MACF1: variants seen among roughly 807,000 people sequenced by gnomAD.
The protein encoded by MACF1 is microtubule-actin cross-linking factor 1.
Under a neutral mutation model 854.8 loss-of-function variants are expected in MACF1, and 193 were observed. The observed-to-expected ratio is 0.23, with a 90% CI of 0.20 to 0.25. The LOEUF (loss-of-function observed/expected upper bound fraction) is 0.25. Ranked by LOEUF, MACF1 falls within the 10% of genes least tolerant of loss-of-function variation. The pLI, the probability that MACF1 is intolerant of heterozygous loss-of-function variation, is 1.00. For missense variants in MACF1, 7,722 were observed against 8,929.1 expected (o/e 0.86, Z 5.45); for synonymous variants, 3,185 against 3,226.7 (o/e 0.99, Z 0.44).
intron 49 of MACF1, among the ~76,000 whole-genome samples, chr1:39,363,604 CTTTT>C (rs1553308665): frequency 7.3e-6 from 1 of 136,094 alleles, no homozygotes. Flanking sequence ...TTCTTTCTTT[CTTTT>C]TTTTTTTTTT....
Position 39,322,616 on chromosome 1 carries a change from A to G in MACF1, c.4038A>G (p.Glu1346=), listed in dbSNP as rs1646535053. 3.7e-6 allele frequency: 6 copies of G among 1,613,632 alleles called. No homozygotes were observed. The highest frequency in any genetic ancestry group is 5.1e-6 in the Non-Finnish European group (6 of 1,179,670). ...QQYSTIVKDY[E]LQLMTYKAFV... ...AATTCATCCTTTCCTAGGACTATGAATTGCAACTGATGACATACAAGGCCT... is the reference window on the plus strand; with the variant it reads ...AATTCATCCTTTCCTAGGACTATGAGTTGCAACTGATGACATACAAGGCCT... The change falls in exon 32 of 101, where the codon GAA becomes GAG. Residue 1346 remains glutamate (E), a synonymous_variant. Transcript: ENST00000564288.
chr1:39,436,048 A>C (rs909180373), intron 70 of MACF1: 12 of 421,822 alleles, frequency 2.8e-5, no homozygotes, highest in African/African-American at 2.2e-4. Flanking sequence ...ATTTTGGATA[A>C]ATTTACCTTG....
chr1:39,482,668 G>T (rs867608044), intron 99 of MACF1, among the ~76,000 whole-genome samples: 34 of 151,810 alleles, frequency 2.2e-4, no homozygotes, highest in African/African-American at 8.2e-4. Context: ...GGTGGCAGGC[G>T]CCTGTTGTCC....
At chr1:39,223,046 G>T (rs1183724597) in intron 1 of MACF1, among the ~76,000 whole-genome samples, 1 of 150,678 alleles carries the variant, frequency 6.6e-6, no homozygotes, top group East Asian at 1.9e-4. Flanking sequence ...CATGCAATAA[G>T]CACACAAACT....
chr1:39,206,461 ATAAC>A (rs1444285137), intron 1 of MACF1: 1 of 152,228 alleles, frequency 6.6e-6, no homozygotes, highest in Non-Finnish European at 1.5e-5. Flanking sequence ...TAAACATTAA[ATAAC>A]TAATTAGTTG....
At chr1:39,439,647 C>A in intron 72 of MACF1, 147 bp downstream of exon 72, 1 of 642,910 alleles carries the variant, frequency 1.6e-6, no homozygotes, top group Non-Finnish European at 2.7e-6. Flanking sequence ...CTCTTGTCCC[C>A]AAGGCTGGAG....
At chr1:39,116,384 GTA>G (rs920441474) in intron 2 of MACF1, among the ~76,000 whole-genome samples, 9 of 126,508 alleles carry the variant, frequency 7.1e-5, no homozygotes, top group African/African-American at 1.4e-4. Context: ...GGGTGAGTGT[GTA>G]TGTGTGTGTG....
At chr1:39,208,438 A>G (rs1644478072) in intron 1 of MACF1, among the ~76,000 whole-genome samples, 1 of 151,960 alleles carries the variant, frequency 6.6e-6, no homozygotes, top group South Asian at 2.1e-4. Context: ...TCTCCTTACT[A>G]ATTAAAAACA....
chr1:39,267,216 C>G (rs1435684173), intron 6 of MACF1, among the ~76,000 whole-genome samples: 2 of 152,160 alleles, frequency 1.3e-5, no homozygotes, highest in Non-Finnish European at 2.9e-5. Context: ...TATTAATCAA[C>G]TTTCTTAAAC....
intron 2 of MACF1, among the ~76,000 whole-genome samples, chr1:39,097,508 G>C (rs935103104): frequency 6.6e-6 from 1 of 152,072 alleles, no homozygotes; most frequent in Non-Finnish European, 1.5e-5. Flanking sequence ...GATCACTTGA[G>C]CTCAGGGGTT....
rs563098078 is a variant in MACF1, at chr1:39,191,980, G to A, written c.221-39202G>A. Among the ~76,000 whole-genome samples the A allele has an allele frequency of 2.0e-3, 304 of 152,106 alleles. 2 individuals are homozygous for A. Among genetic ancestry groups the A allele is most frequent in the African/African-American group, 7.1e-3 (293 of 41,480 alleles). On this transcript the variant is annotated intron_variant, in intron 2 of 93. Transcript: ENST00000361689. ...AGCCTGGCCAACATGGTGAAACTCC[G>A]TTTCTATTAAACATACAAAAATTAG...
rs58188740 is a variant in MACF1, at chr1:39,289,693, C to CTTTTTTTTTTTTTTTTTTTTTTTT, written c.1785+2140_1785+2163dup. Among the ~76,000 whole-genome samples, 7 of 28,966 alleles carry CTTTTTTTTTTTTTTTTTTTTTTTT rather than the reference C, an allele frequency of 2.4e-4. 3 individuals carry two copies. Among genetic ancestry groups the CTTTTTTTTTTTTTTTTTTTTTTTT allele is most frequent in the Non-Finnish European group, 4.2e-4 (7 of 16,774 alleles). The allele number at this position is 28,966 out of a possible 152,430, so 19.0% of individuals were successfully genotyped here. On this transcript the variant is annotated intron_variant, in intron 15 of 100. Coordinates refer to ENST00000564288, the MANE Select transcript of MACF1 (RefSeq NM_001394062.1). ...ATTTTCTCCCATTCTGTGGGTTGTCCTTTTTTTTTTTTTTTTTTTTTTTTT... is the reference window on the plus strand; with the variant it reads ...ATTTTCTCCCATTCTGTGGGTTGTCCTTTTTTTTTTTTTTTTTTTTTTTTTTTTTTTTTTTTTTTTTTTTTTTTT...
intron 49 of MACF1, among the ~76,000 whole-genome samples, chr1:39,363,855 G>C (rs1648431964): frequency 6.6e-6 from 1 of 151,958 alleles, no homozygotes; most frequent in African/African-American, 2.4e-5. Context: ...CAAGTGATCT[G>C]CCCGCCTCGG....
intron 97 of MACF1, 107 bp downstream of exon 97, chr1:39,469,722 G>A: frequency 1.1e-6 from 1 of 888,250 alleles, no homozygotes; most frequent in Non-Finnish European, 1.8e-6. Flanking sequence ...CTGCATTCAT[G>A]AATGCTTGAA....
chr1:39,481,112 C>T (rs1446054362), intron 99 of MACF1, 82 bp downstream of exon 99: 13 of 787,858 alleles, frequency 1.7e-5, no homozygotes, highest in African/African-American at 6.8e-5. Context: ...CTTCCTGACA[C>T]GAATCCCTGC....
In MACF1 at chr1:39,411,961, A is replaced by G. The variant is rs749343714; in HGVS notation, c.15817-10413A>G. 6.8e-6 allele frequency: 11 copies of G among 1,613,850 alleles called. No homozygotes were observed. The South Asian group carries it at 8.8e-5, about 13-fold the overall frequency. On this transcript the variant is annotated intron_variant, in intron 58 of 100. Transcript: ENST00000564288. ...CGTTGATATCATGAGAGACACTTCC[A>G]CTGTTAGCAAGGAGGAATGTGAAAA... is the stretch of plus-strand genomic sequence containing the variant.
intron 58 of MACF1, among the ~76,000 whole-genome samples, chr1:39,415,475 A>G (rs1464579395): frequency 6.7e-6 from 1 of 149,138 alleles, no homozygotes; most frequent in East Asian, 2.0e-4. Context: ...AGCTGGGACT[A>G]CAGGCGCCCG....
At chr1:39,122,318 G>A (rs1451933848) in intron 2 of MACF1, among the ~76,000 whole-genome samples, 2 of 150,256 alleles carry the variant, frequency 1.3e-5, no homozygotes, top group African/African-American at 2.5e-5. Context: ...ACAGTGGCGC[G>A]ATGTCGGCTC....
chr1:39,453,139 A>G (rs1326443783), intron 87 of MACF1, among the ~76,000 whole-genome samples: 2 of 152,184 alleles, frequency 1.3e-5, no homozygotes, highest in African/African-American at 4.8e-5. Flanking sequence ...TTATGTTACC[A>G]GCTTTAGGCC....
Sources: allele counts gnomAD v4.1 joint callset (sites outside exome capture counted in the v4.1 genomes callset), GRCh38; gene constraint gnomAD v4.1.1; transcripts MANE v1.5; gene names NCBI Gene and HGNC (gene_info 2026-07-23, HGNC 2026-07-21).